CDH2: variants seen among roughly 807,000 people sequenced by gnomAD.
The protein encoded by CDH2 is cadherin-2.
In CDH2, 17 loss-of-function variants were observed where a neutral mutation model predicts 92.0. That is an observed-to-expected ratio of 0.18 (90% CI 0.13 to 0.28). The LOEUF is 0.28. Ranked by LOEUF, CDH2 falls within the 10% of genes least tolerant of loss-of-function variation. The pLI is 1.00. For missense variants in CDH2, 862 were observed against 1,133.1 expected, an observed-to-expected ratio of 0.76 and a Z score of 3.44; for synonymous variants, 419 against 415.9, an observed-to-expected ratio of 1.01 and a Z score of -0.09.
At chr18:28,127,625 A>T (rs969763798) in intron 2 of CDH2, among the ~76,000 whole-genome samples, 1 of 152,222 alleles carries the variant, frequency 6.6e-6, no homozygotes, top group African/African-American at 2.4e-5. Flanking sequence ...ATAGCAATTT[A>T]AGCCATGACC....
rs1448666666 is a variant in CDH2 at position 28,177,011 on chromosome 18, T to A, written c.12A>T (p.Ile4=). 6.7e-7 allele frequency: 1 copy of A among 1,484,308 alleles called. No individual in the cohort carries two copies. The allele number at this position is 1,484,308 out of a possible 1,614,324, so 91.9% of individuals were successfully genotyped here. ...GCAGCAGGGTCCGCAGCGCTCCCGC[T>A]ATCCGGCACATGGAGGCGGAGAGGG... MCR[I]AGALRTLLPL... is the part of the protein sequence containing the mutation. Residue 4 remains isoleucine, a synonymous_variant, in exon 1 of 16, where the codon ATA becomes ATT. Coordinates refer to ENST00000269141, the MANE Select transcript of CDH2 (RefSeq NM_001792.5).
chr18:28,114,694 C>T (rs2015466927), intron 2 of CDH2, among the ~76,000 whole-genome samples: 1 of 151,962 alleles, frequency 6.6e-6, no homozygotes, highest in African/African-American at 2.4e-5. Flanking sequence ...TGTCTGGACC[C>T]GGTGTCAGTA....
intron 1 of CDH2, among the ~76,000 whole-genome samples, chr18:28,162,321 C>A (rs1235094095): frequency 2.0e-5 from 3 of 152,126 alleles, no homozygotes; most frequent in Non-Finnish European, 4.4e-5. Flanking sequence ...CCCTCATGTA[C>A]TTAGGGGAGC....
Position 27,955,382 on chromosome 18 carries a change from AAAAGAAAAAG to A in CDH2, c.2515-3033_2515-3024del, listed in dbSNP as rs796078323. On this transcript the variant is annotated intron_variant, in intron 15 of 15. Coordinates refer to ENST00000269141, the MANE Select transcript of CDH2 (RefSeq NM_001792.5). ...AAAGTATAATAGTAAAAAAAAAAAA[AAAAGAAAAAG>A]AAAGAAAAAGAGAATGACAAGTTAA... 3.2e-4 allele frequency among the ~76,000 whole-genome samples: 28 copies of A among 88,126 alleles called. No individual in the cohort carries two copies. In the East Asian group the frequency reaches 7.0e-3, roughly 22 times the overall value. The allele number at this position is 88,126 out of a possible 152,430, so 57.8% of individuals were successfully genotyped here.
At chr18:27,996,640 C>A (rs2012591369) in intron 7 of CDH2, among the ~76,000 whole-genome samples, 1 of 152,032 alleles carries the variant, frequency 6.6e-6, no homozygotes, top group Admixed American at 6.5e-5. Flanking sequence ...CCTCACTGTG[C>A]ATGTGTGTGC....
intron 2 of CDH2, among the ~76,000 whole-genome samples, chr18:28,051,737 A>G (rs1395548057): frequency 6.6e-6 from 1 of 152,132 alleles, no homozygotes; most frequent in African/African-American, 2.4e-5. Flanking sequence ...ATGCCTCTAA[A>G]TCTATAGGGA....
At chr18:27,974,061 A>G (rs2011745050) in intron 14 of CDH2, among the ~76,000 whole-genome samples, 1 of 152,216 alleles carries the variant, frequency 6.6e-6, no homozygotes, top group Admixed American at 6.5e-5. Context: ...CGGCTAGCCT[A>G]TTTTAACTAA....
At chr18:28,010,548 T>C (rs932433271) in intron 4 of CDH2, among the ~76,000 whole-genome samples, 2 of 152,102 alleles carry the variant, frequency 1.3e-5, no homozygotes, top group Non-Finnish European at 2.9e-5. Context: ...TAAGTCAATG[T>C]ATGAGCAGTC....
At chr18:27,948,662 A>T (rs373471109), downstream of CDH2, among the ~76,000 whole-genome samples, 4 of 151,992 alleles carry the variant, frequency 2.6e-5, no homozygotes, top group African/African-American at 9.7e-5. Flanking sequence ...GCTAATGAGC[A>T]TAAGAAAAAA....
At chr18:28,011,334 T>C (rs2013093297) in intron 4 of CDH2, among the ~76,000 whole-genome samples, 1 of 152,132 alleles carries the variant, frequency 6.6e-6, no homozygotes, top group Admixed American at 6.5e-5. Flanking sequence ...TTTGAAAGCC[T>C]ATGATTTTAC....
Position 28,138,692 on chromosome 18 carries a change from C to T in CDH2, c.172+8981G>A, listed in dbSNP as rs377205346. On this transcript the variant is annotated intron_variant, in intron 2 of 15. Coordinates refer to ENST00000269141, the MANE Select transcript of CDH2 (RefSeq NM_001792.5). The stretch of plus-strand genomic sequence containing the variant: ...GTCTGTTGACCACTATTGCGCAGTT[C>T]CTTGAGAAAGGCCTGCCACATGATC... 1.7e-4 allele frequency among the ~76,000 whole-genome samples: 26 copies of T among 152,156 alleles called. No homozygotes were observed. The East Asian group carries it at 4.4e-3, about 26-fold the overall frequency.
At chr18:27,958,705 G>A (rs2011319924) in intron 15 of CDH2, among the ~76,000 whole-genome samples, 1 of 152,124 alleles carries the variant, frequency 6.6e-6, no homozygotes, top group Non-Finnish European at 1.5e-5. Flanking sequence ...ATCTCATCTT[G>A]AATTGTAGTT....
At chr18:28,123,041 T>G (rs1353038021) in intron 2 of CDH2, among the ~76,000 whole-genome samples, 2 of 152,160 alleles carry the variant, frequency 1.3e-5, no homozygotes, top group Admixed American at 1.3e-4. Context: ...GTTTTAACAC[T>G]TTTTATATAA....
chr18:28,034,344 G>T (rs1402964195), intron 2 of CDH2, among the ~76,000 whole-genome samples: 3 of 152,080 alleles, frequency 2.0e-5, no homozygotes, highest in Non-Finnish European at 4.4e-5. Flanking sequence ...TTTTGTTCAT[G>T]CTGAGCAGTC....
chr18:28,137,949 G>C (rs1003117946), intron 2 of CDH2, among the ~76,000 whole-genome samples: 2 of 151,850 alleles, frequency 1.3e-5, no homozygotes, highest in African/African-American at 4.8e-5. Flanking sequence ...TTAAAATATA[G>C]TCTTAACATG....
At chr18:27,974,597 G>A (rs1275224469) in intron 14 of CDH2, among the ~76,000 whole-genome samples, 7 of 152,128 alleles carry the variant, frequency 4.6e-5, no homozygotes, top group Admixed American at 3.3e-4. Context: ...GTATTGCTAC[G>A]CTCTGAATGT....
chr18:28,041,178 C>T (rs1480960145), intron 2 of CDH2, among the ~76,000 whole-genome samples: 1 of 152,104 alleles, frequency 6.6e-6, no homozygotes, highest in East Asian at 1.9e-4. Flanking sequence ...AGGAGCAGCA[C>T]TAGATTATAA....
chr18:28,163,895 T>A (rs1370009422), intron 1 of CDH2, among the ~76,000 whole-genome samples: 2 of 152,200 alleles, frequency 1.3e-5, no homozygotes, highest in Non-Finnish European at 2.9e-5. Flanking sequence ...AGATAGTAGT[T>A]ATCTCTGCCA....
intron 6 of CDH2, among the ~76,000 whole-genome samples, chr18:27,941,707 G>A (rs1275332822): frequency 6.6e-6 from 1 of 152,196 alleles, no homozygotes; most frequent in Admixed American, 6.5e-5. Flanking sequence ...ATAGAATTAG[G>A]TGAGCCAGGC....
Sources: gnomAD v4.1 joint callset for allele counts (sites outside exome capture counted in the v4.1 genomes callset) on GRCh38, gnomAD v4.1.1 for gene constraint, MANE v1.5 for transcripts, NCBI Gene and HGNC (gene_info 2026-07-23, HGNC 2026-07-21) for gene names.